PCLO: variants seen among roughly 807,000 people sequenced by gnomAD.
PCLO encodes the protein piccolo presynaptic cytomatrix protein, also known as protein piccolo.
A neutral mutation model predicts 427.5 loss-of-function variants in PCLO; 82 were observed. The ratio of observed to expected loss-of-function variants is 0.19; its 90% CI spans 0.16 to 0.23. The LOEUF (loss-of-function observed/expected upper bound fraction) is 0.23, where lower values mean the gene tolerates loss of function less well. PCLO is among the 10% of genes least tolerant of loss of function. PCLO has a pLI of 1.00. For missense variants in PCLO, 6,239 were observed against 6,115.9 expected, an observed-to-expected ratio of 1.02 and a Z score of -0.67; for synonymous variants, 2,357 against 2,155.4, an observed-to-expected ratio of 1.09 and a Z score of -2.59.
At chr7:82,908,767 G>A in intron 8 of PCLO, 110 bp downstream of exon 8, 1 of 966,014 alleles carries the variant, frequency 1.0e-6, no homozygotes, top group South Asian at 1.6e-5. Flanking sequence ...AATCATTTGT[G>A]AAATTAATAA....
chr7:82,978,579 A>C (rs1471655601), intron 3 of PCLO, among the ~76,000 whole-genome samples: 1 of 152,124 alleles, frequency 6.6e-6, no homozygotes, highest in Admixed American at 6.6e-5. Context: ...AGGAACTAGC[A>C]AAAATACGAT....
intron 3 of PCLO, among the ~76,000 whole-genome samples, chr7:83,093,495 T>A (rs1255162822): frequency 0.033 from 3,364 of 101,238 alleles, 250 homozygotes; most frequent in African/African-American, 0.14. Flanking sequence ...TATATATATT[T>A]TTTTTTTTTT....
intron 20 of PCLO, among the ~76,000 whole-genome samples, chr7:82,813,005 A>C (rs1403263013): frequency 6.6e-6 from 1 of 151,696 alleles, no homozygotes; most frequent in Non-Finnish European, 1.5e-5. Flanking sequence ...TTTTGAAAAA[A>C]GTTCTTACAT....
chr7:82,851,964 T>C (rs1460591139), intron 10 of PCLO, among the ~76,000 whole-genome samples: 1 of 152,118 alleles, frequency 6.6e-6, no homozygotes, highest in African/African-American at 2.4e-5. Flanking sequence ...TATATATTTT[T>C]CATATTTTAC....
intron 2 of PCLO, among the ~76,000 whole-genome samples, chr7:83,145,352 G>T (rs1008327484): frequency 6.6e-6 from 1 of 152,064 alleles, no homozygotes; most frequent in African/African-American, 2.4e-5. Flanking sequence ...TAAGTATTCT[G>T]AAAATATCCC....
rs1792511761 is a variant in PCLO, at chr7:82,846,675, A to G, written c.13764-41T>C. ...AAACATTAAGAAAGATATTGAGGAA[A>G]TCTGAGACAAAGAGCACTTTTTTCC... On this transcript the variant is annotated intron_variant, in intron 11 of 24. Transcript: ENST00000333891. 4 of 1,378,950 alleles carry G rather than the reference A, an allele frequency of 2.9e-6. No individual in the cohort carries two copies. In the South Asian group the frequency reaches 5.0e-5, roughly 17 times the overall value. 85.4% of individuals were successfully genotyped at this position (1,378,950 alleles called of 1,614,324 possible). A position where few individuals can be genotyped will look rare whatever the true frequency, so the allele number is the denominator to read the frequency against.
intron 2 of PCLO, among the ~76,000 whole-genome samples, chr7:83,150,549 C>A (rs1792103805): frequency 6.6e-6 from 1 of 152,172 alleles, no homozygotes; most frequent in Non-Finnish European, 1.5e-5. Context: ...GAGTTTGGAA[C>A]TAAGGGAGTA....
At chr7:82,870,397 T>C (rs1394544264) in intron 10 of PCLO, among the ~76,000 whole-genome samples, 1 of 151,912 alleles carries the variant, frequency 6.6e-6, no homozygotes, top group Non-Finnish European at 1.5e-5. Flanking sequence ...ATGCAGAAGA[T>C]TAAAATTAGA....
At chr7:82,784,280 T>G (rs906171936) in intron 22 of PCLO, among the ~76,000 whole-genome samples, 6 of 152,110 alleles carry the variant, frequency 3.9e-5, no homozygotes, top group Non-Finnish European at 7.4e-5. Flanking sequence ...TTCTCTCCAC[T>G]GCTCACTTCA....
chr7:83,097,002 T>A (rs1480126508), intron 3 of PCLO, among the ~76,000 whole-genome samples: 1 of 33,542 alleles, frequency 3.0e-5, no homozygotes, highest in Non-Finnish European at 4.9e-5. Flanking sequence ...ATATATTATA[T>A]AAATAATATA....
At chr7:82,890,931 T>A (rs1320303797) in intron 9 of PCLO, among the ~76,000 whole-genome samples, 1 of 152,072 alleles carries the variant, frequency 6.6e-6, no homozygotes, top group Non-Finnish European at 1.5e-5. Context: ...ATATTTTATG[T>A]CCCCTAAATA....
At chr7:83,153,631 C>T (rs1451410307) in intron 2 of PCLO, among the ~76,000 whole-genome samples, 5 of 152,208 alleles carry the variant, frequency 3.3e-5, no homozygotes, top group Non-Finnish European at 1.5e-5. Context: ...GTCCTCCAGA[C>T]AGGCTAAATG....
intron 10 of PCLO, among the ~76,000 whole-genome samples, chr7:82,871,696 G>A (rs1043165480): frequency 1.3e-5 from 2 of 151,876 alleles, no homozygotes; most frequent in African/African-American, 4.8e-5. Flanking sequence ...ATGCATGCAT[G>A]AAAATATCAC....
At chr7:82,789,151 A>G (rs943656122) in intron 22 of PCLO, among the ~76,000 whole-genome samples, 4 of 152,168 alleles carry the variant, frequency 2.6e-5, no homozygotes, top group Non-Finnish European at 5.9e-5. Context: ...TCCTAAAGTC[A>G]CAATCCTAAA....
intron 6 of PCLO, among the ~76,000 whole-genome samples, chr7:82,924,196 A>G (rs916877378): frequency 1.3e-5 from 2 of 152,114 alleles, no homozygotes; most frequent in African/African-American, 4.8e-5. Context: ...CCTTGAAAAG[A>G]GAACCGGAGG....
intron 10 of PCLO, among the ~76,000 whole-genome samples, chr7:82,851,786 T>G (rs1470969456): frequency 1.3e-5 from 2 of 152,172 alleles, no homozygotes; most frequent in Non-Finnish European, 2.9e-5. Flanking sequence ...AAAGATCAGC[T>G]GAACATGGCC....
At chr7:82,792,358 A>T (rs1791119386) in intron 22 of PCLO, among the ~76,000 whole-genome samples, 1 of 147,434 alleles carries the variant, frequency 6.8e-6, no homozygotes. Flanking sequence ...ACAAGGTCTC[A>T]CTCTGTCATC....
rs1279285383 is a variant in PCLO, at chr7:82,824,426, AGT to A, written c.14416-12_14416-11del. The A allele has an allele frequency of 6.5e-7, 1 of 1,545,676 alleles. No homozygotes were observed. Among genetic ancestry groups the A allele is most frequent in the East Asian group, 2.3e-5 (1 of 43,862 alleles). On this transcript the variant is annotated splice_polypyrimidine_tract_variant and intron_variant, in intron 18 of 24. Transcript: ENST00000333891. Reference sequence around the variant, plus strand: ...ATAAATCAATCAATACCTGAAAAAAAGTGTAACAAATAAATGAAATTTAGGGA... The same window carrying A: ...ATAAATCAATCAATACCTGAAAAAAAGTAACAAATAAATGAAATTTAGGGA...
chr7:82,884,229 C>T (rs1005190556), intron 9 of PCLO, among the ~76,000 whole-genome samples: 6 of 151,984 alleles, frequency 3.9e-5, no homozygotes, highest in Non-Finnish European at 8.8e-5. Context: ...TGTACAAAAG[C>T]CTGTCCATAT....
Sources: allele counts gnomAD v4.1 joint callset (sites outside exome capture counted in the v4.1 genomes callset), GRCh38; gene constraint gnomAD v4.1.1; transcripts MANE v1.5; gene names NCBI Gene and HGNC (gene_info 2026-07-23, HGNC 2026-07-21).